GBP3: variants seen among roughly 807,000 people sequenced by gnomAD.
GBP3 encodes guanylate-binding protein 3.
In GBP3, 55 loss-of-function variants were observed where a neutral mutation model predicts 62.4. That is an observed-to-expected ratio of 0.88 (90% CI 0.71 to 1.10). GBP3 has a LOEUF of 1.10. GBP3 is among the 50% of genes least tolerant of loss of function. The probability of loss-of-function intolerance (pLI) is 0.00; values close to 1 mark genes in which losing one functional copy is unlikely to be tolerated. For synonymous variants in GBP3, 208 were observed against 259.2 expected (o/e 0.80, Z 1.90); for missense variants, 605 against 690.6 (o/e 0.88, Z 1.39).
intron 2 of GBP3, among the ~76,000 whole-genome samples, chr1:89,019,622 T>C (rs1570907871): frequency 1.3e-5 from 2 of 152,310 alleles, no homozygotes; most frequent in East Asian, 3.9e-4. Flanking sequence ...CACTGAACCT[T>C]GAAGACATTA....
At chr1:89,013,530 G>A in intron 5 of GBP3, 103 bp from the exon 6 acceptor site, 2 of 1,191,268 alleles carry the variant, frequency 1.7e-6, no homozygotes, top group Non-Finnish European at 2.3e-6. Context: ...TCTTTTCCAA[G>A]TACTCAACTT....
chr1:89,018,893 C>A (rs1679025591), intron 2 of GBP3, among the ~76,000 whole-genome samples: 1 of 152,214 alleles, frequency 6.6e-6, no homozygotes, highest in African/African-American at 2.4e-5. Context: ...TCTCGACCTG[C>A]CGGTCTGCCT....
At chr1:89,013,929 C>CT (rs1678729382) in intron 5 of GBP3, 154 bp downstream of exon 5, 1 of 754,934 alleles carries the variant, frequency 1.3e-6, no homozygotes, top group African/African-American at 1.8e-5. Flanking sequence ...TTCAAAAAAC[C>CT]TTTTCTATTG....
intron 2 of GBP3, among the ~76,000 whole-genome samples, chr1:89,015,848 T>C (rs1216516685): frequency 6.6e-6 from 1 of 151,118 alleles, no homozygotes; most frequent in Non-Finnish European, 1.5e-5. Flanking sequence ...TCATACTCAA[T>C]GGTGAAGACT....
chr1:89,010,352 C>T (rs1678488463), intron 8 of GBP3, among the ~76,000 whole-genome samples: 1 of 137,746 alleles, frequency 7.3e-6, no homozygotes. Context: ...GATCTCCTGA[C>T]CTTGTGATCT....
Position 89,014,641 on chromosome 1 carries a change from C to T in GBP3, c.334G>A (p.Asp112Asn), listed in dbSNP as rs1361123025. Residue 112 changes from aspartate to asparagine, a missense_variant, in exon 4 of 11, where the codon GAC becomes AAC. This residue lies in a region of GBP3 where 308 missense variants were observed against 318.0 expected (regional missense o/e 0.97). Transcript: ENST00000370481. ...GDVKKGDNQN[D>N]SWIFTLAVLL... ...ACGGCCAGGGTGAAGATCCAGGAGTCATTCTGGTTGTCACCCTGGAAGTCA... is the reference window on the plus strand; with the variant it reads ...ACGGCCAGGGTGAAGATCCAGGAGTTATTCTGGTTGTCACCCTGGAAGTCA... 59 of 1,613,926 alleles carry T rather than the reference C, an allele frequency of 3.7e-5. No individual in the cohort carries two copies. Among genetic ancestry groups the T allele is most frequent in the Non-Finnish European group, 4.9e-5 (58 of 1,179,956 alleles).
At chr1:89,012,309 C>T (rs940874846) in intron 6 of GBP3, among the ~76,000 whole-genome samples, 1 of 138,944 alleles carries the variant, frequency 7.2e-6, no homozygotes, top group Non-Finnish European at 1.7e-5. Context: ...TGTTTGCATC[C>T]ATTTCAACCC....
intron 9 of GBP3, 89 bp from the exon 10 acceptor site, chr1:89,009,229 C>A: frequency 7.1e-7 from 1 of 1,414,652 alleles, no homozygotes; most frequent in Non-Finnish European, 9.8e-7. Flanking sequence ...CTGCTGACTG[C>A]ATATGCCCTA....
At chr1:89,020,238 A>G (rs1194331942) in intron 2 of GBP3, 1 of 430,000 alleles carries the variant, frequency 2.3e-6, no homozygotes, top group African/African-American at 2.0e-5. Context: ...ACCTTGTCTC[A>G]AGAAAAAAAA....
chr1:89,014,736 T>C (rs1425158789), intron 3 of GBP3, 80 bp from the exon 4 acceptor site: 9 of 1,556,796 alleles, frequency 5.8e-6, no homozygotes, highest in East Asian at 2.3e-5. Flanking sequence ...TAAAAGTATA[T>C]CATAAGTTAG....
rs1678530890 is a variant in GBP3, at chr1:89,010,979, C to A, written c.1287G>T (p.Gly429=). The A allele has an allele frequency of 6.8e-7, 1 of 1,461,226 alleles. No individual in the cohort carries two copies. The highest frequency in any genetic ancestry group is 1.4e-5 in the African/African-American group (1 of 73,662). 90.5% of individuals were successfully genotyped at this position (1,461,226 alleles called of 1,614,324 possible). A position where few individuals can be genotyped will look rare whatever the true frequency, so the allele number is the denominator to read the frequency against. ...EVKAGIYSKP[G]GYCLFIQKLQ... ...GCTTCTGAATAAAGAGACAATAGCC[C>A]CCTGGTTTCGAATAAATTCCCGCCT... The change falls in exon 8 of 11, where the codon GGG becomes GGT. Residue 429 remains glycine (G), a synonymous_variant. Transcript: ENST00000370481.
intron 8 of GBP3, 100 bp downstream of exon 8, chr1:89,010,804 G>T: frequency 7.3e-7 from 1 of 1,371,270 alleles, no homozygotes; most frequent in Non-Finnish European, 1.0e-6. Flanking sequence ...ATGTTATACA[G>T]ACAAAAAAGC....
chr1:89,014,097 A>C lies in GBP3; in HGVS notation c.611T>G (p.Leu204Arg). The change falls in exon 5 of 11, where the codon CTG (leucine) becomes CGG (arginine). Residue 204 changes from leucine (L) to arginine (R), a missense_variant. Leu to Arg is a moderately radical substitution (Grantham distance 102). Coordinates refer to ENST00000370481, the MANE Select transcript of GBP3 (RefSeq NM_018284.3). The stretch of plus-strand genomic sequence containing the variant: ...GTCTCTGTTACCTTGCGTTAGCTTC[A>C]GGGAATACTCCAGGTACTCATCTGG... The part of the protein sequence containing the change: ...LTPDEYLEYS[L>R]KLTQGTSQKD... The C allele has an allele frequency of 6.2e-7, 1 of 1,614,162 alleles. No homozygotes were observed. The highest frequency in any genetic ancestry group is 8.5e-7 in the Non-Finnish European group (1 of 1,179,996).
intron 2 of GBP3, among the ~76,000 whole-genome samples, chr1:89,017,906 C>T (rs189753978): frequency 6.6e-6 from 1 of 152,060 alleles, no homozygotes; most frequent in East Asian, 1.9e-4. Flanking sequence ...TGGAGAAACC[C>T]CATTTACACT....
At chr1:89,015,206 C>G (rs1175392085) in intron 3 of GBP3, 81 bp downstream of exon 3, 1 of 1,382,040 alleles carries the variant, frequency 7.2e-7, no homozygotes, top group Non-Finnish European at 9.8e-7. Context: ...AATGCAAACT[C>G]TTCTTTAAGA....
At chr1:89,014,804 G>GT (rs564041920) in intron 3 of GBP3, 148 bp from the exon 4 acceptor site, 479 of 980,758 alleles carry the variant, frequency 4.9e-4, no homozygotes, top group Middle Eastern at 2.0e-3. Flanking sequence ...CAAAATGATT[G>GT]TTACTCAGCT....
chr1:89,013,047 A>AGGTTGG, intron 6 of GBP3, 138 bp downstream of exon 6: 2 of 854,696 alleles, frequency 2.3e-6, no homozygotes, highest in East Asian at 4.9e-5. Flanking sequence ...CATGTGGGCT[A>AGGTTGG]GGTTGGTCTC....
chr1:89,011,781 T>G lies in GBP3; in HGVS notation c.1115A>C (p.Lys372Thr). 6.8e-7 allele frequency: 1 copy of G among 1,462,540 alleles called. No homozygotes were observed. The allele number at this position is 1,462,540 out of a possible 1,614,324, so 90.6% of individuals were successfully genotyped here. Residue 372 changes from lysine to threonine, a missense_variant, in exon 7 of 11, where the codon AAG (lysine) becomes ACG (threonine). Physicochemically the swap from Lys to Thr is moderately conservative, Grantham distance 78 (BLOSUM62 -1). This residue lies in a region of GBP3 where 137 missense variants were observed against 224.7 expected (regional missense o/e 0.61). Transcript: ENST00000370481. ...ATEVYMKNSF[K>T]DVDHLFQKKL... Reference sequence around the variant, plus strand: ...CTTTTGAAACAGATGGTCCACATCCTTGAAAGAGTTCTTCATATAGACTTC... The same window carrying G: ...CTTTTGAAACAGATGGTCCACATCCGTGAAAGAGTTCTTCATATAGACTTC...
rs1417698564 is a variant in GBP3 at position 89,020,592 on chromosome 1, C to A, written c.130G>T (p.Val44Leu). The change falls in exon 2 of 11, where the codon GTG (valine) becomes TTG (leucine). Residue 44 changes from valine to leucine, a missense_variant. Physicochemically the swap from Val to Leu is conservative, Grantham distance 32. Around this residue, in one of 3 missense-constraint regions of GBP3, gnomAD observed 308 missense variants for 318.0 expected, o/e 0.97. Transcript: ENST00000370481. Reference sequence around the variant, plus strand: ...GATTTTCCTGTGCGGTAGAGGCCCACAATTGCCACCACCACCACAGGCTGT... The same window carrying A: ...GATTTTCCTGTGCGGTAGAGGCCCAAAATTGCCACCACCACCACAGGCTGT... Reference protein sequence around the residue: ...ITQPVVVVAIVGLYRTGKSYL... With the variant: ...ITQPVVVVAILGLYRTGKSYL... 6.2e-7 allele frequency: 1 copy of A among 1,614,028 alleles called. No homozygotes were observed. Among genetic ancestry groups the A allele is most frequent in the Admixed American group, 1.7e-5 (1 of 60,000 alleles).
Sources: gnomAD v4.1 joint callset for allele counts (sites outside exome capture counted in the v4.1 genomes callset) on GRCh38, gnomAD v4.1.1 for gene constraint, gnomAD v4.1.1 regional missense constraint, MANE v1.5 for transcripts, NCBI Gene and HGNC (gene_info 2026-07-23, HGNC 2026-07-21) for gene names.